The following CADM2 variants were observed in gnomAD, a reference collection of about 807,000 sequenced individuals.
The protein encoded by CADM2 is immunoglobulin superfamily member 4D.
In CADM2, 12 loss-of-function variants were observed where a neutral mutation model predicts 49.8. That is an observed-to-expected ratio of 0.24 (90% CI 0.15 to 0.39). The LOEUF (loss-of-function observed/expected upper bound fraction) is 0.39, where lower values mean the gene tolerates loss of function less well. CADM2 is among the 10% of genes least tolerant of loss of function. CADM2 has a pLI of 1.00. For synonymous variants in CADM2, 214 were observed against 175.4 expected (o/e 1.22, Z -1.74); for missense variants, 378 against 492.3 (o/e 0.77, Z 2.20).
intron 5 of CADM2, among the ~76,000 whole-genome samples, chr3:85,886,678 T>A (rs6796402): frequency 0.66 from 99,813 of 152,026 alleles, 33,402 homozygotes; most frequent in African/African-American, 0.78. Context: ...TATAATATTT[T>A]GGTTAAAGAC....
intron 1 of CADM2, among the ~76,000 whole-genome samples, chr3:85,537,535 T>A (rs2061451047): frequency 6.6e-6 from 1 of 151,746 alleles, no homozygotes; most frequent in African/African-American, 2.4e-5. Flanking sequence ...AGAAATAACA[T>A]GTTAATATGA....
At chr3:86,039,445 C>G (rs113859145) in intron 8 of CADM2, among the ~76,000 whole-genome samples, 7 of 152,188 alleles carry the variant, frequency 4.6e-5, no homozygotes, top group Non-Finnish European at 1.0e-4. Context: ...TATCCCACGC[C>G]TGGCTCAGAG....
At chr3:85,736,473 G>A (rs1345074685) in intron 2 of CADM2, among the ~76,000 whole-genome samples, 1 of 152,184 alleles carries the variant, frequency 6.6e-6, no homozygotes, top group African/African-American at 2.4e-5. Flanking sequence ...CTGGGCAACA[G>A]AGGGAAGAAC....
chr3:85,447,898 T>C (rs1252901723), intron 1 of CADM2, among the ~76,000 whole-genome samples: 1 of 152,180 alleles, frequency 6.6e-6, no homozygotes, highest in African/African-American at 2.4e-5. Context: ...ATGATTCTTA[T>C]TTGTCTTTGG....
chr3:85,593,591 C>T (rs990238403), intron 1 of CADM2, among the ~76,000 whole-genome samples: 6 of 151,892 alleles, frequency 4.0e-5, no homozygotes, highest in Non-Finnish European at 7.4e-5. Flanking sequence ...GAGGCATTAT[C>T]GGCACGCAGA....
In CADM2 at chr3:85,881,496, A is replaced by G. The variant is rs1712766815; in HGVS notation, c.239-1795A>G. On this transcript the variant is annotated intron_variant, in intron 3 of 9. Coordinates refer to ENST00000383699, the MANE Select transcript of CADM2 (RefSeq NM_001167675.2). ...TTTTGATTATGTTAAGAGACTCTGG[A>G]TGCTAATTAGATTTATTCTAAGAAG... Among the ~76,000 whole-genome samples the G allele has an allele frequency of 2.6e-5, 4 of 152,232 alleles. No individual in the cohort carries two copies. In the South Asian group the frequency reaches 8.3e-4, roughly 32 times the overall value.
At chr3:85,027,365 C>T (rs2034782762) in intron 1 of CADM2, among the ~76,000 whole-genome samples, 1 of 151,814 alleles carries the variant, frequency 6.6e-6, no homozygotes. Flanking sequence ...CCCACCTTGG[C>T]CTCCTGAAGT....
intron 1 of CADM2, among the ~76,000 whole-genome samples, chr3:85,338,846 G>T (rs1229418225): frequency 6.6e-6 from 1 of 151,344 alleles, no homozygotes; most frequent in African/African-American, 2.4e-5. Flanking sequence ...TAGTATAAAG[G>T]CATCTACTTA....
chr3:86,018,861 T>C (rs1411532333), intron 8 of CADM2, among the ~76,000 whole-genome samples: 18 of 151,236 alleles, frequency 1.2e-4, no homozygotes, highest in African/African-American at 4.1e-4. Context: ...TCTTTTGCTG[T>C]GCAGAAGCTC....
chr3:85,721,284 T>A (rs1285853839), intron 1 of CADM2, among the ~76,000 whole-genome samples: 3 of 152,194 alleles, frequency 2.0e-5, no homozygotes, highest in Non-Finnish European at 4.4e-5. Context: ...GCAAATACAT[T>A]TGAATCAAGG....
chr3:85,033,919 C>T (rs1354258134), intron 1 of CADM2, among the ~76,000 whole-genome samples: 2 of 152,014 alleles, frequency 1.3e-5, no homozygotes, highest in East Asian at 1.9e-4. Flanking sequence ...TATATATGTC[C>T]ATTATTAATA....
At chr3:85,397,062 A>G (rs2034827685) in intron 1 of CADM2, among the ~76,000 whole-genome samples, 1 of 152,100 alleles carries the variant, frequency 6.6e-6, no homozygotes, top group Admixed American at 6.6e-5. Context: ...ACAACACAAC[A>G]ACAACAATAC....
intron 8 of CADM2, among the ~76,000 whole-genome samples, chr3:85,998,627 T>C (rs965273180): frequency 6.6e-6 from 1 of 152,104 alleles, no homozygotes; most frequent in African/African-American, 2.4e-5. Context: ...TGATATATAG[T>C]AGGTCACACT....
intron 1 of CADM2, among the ~76,000 whole-genome samples, chr3:84,997,885 T>G (rs1197190873): frequency 6.6e-6 from 1 of 152,164 alleles, no homozygotes; most frequent in Non-Finnish European, 1.5e-5. Flanking sequence ...CTATTGCTGT[T>G]GAGGGAAAAC....
At chr3:85,645,869 G>A (rs188493271) in intron 1 of CADM2, among the ~76,000 whole-genome samples, 2 of 152,016 alleles carry the variant, frequency 1.3e-5, no homozygotes, top group East Asian at 1.9e-4. Context: ...AAGAAAATAC[G>A]TTATTAATAG....
intron 1 of CADM2, among the ~76,000 whole-genome samples, chr3:85,410,361 G>A (rs949667077): frequency 6.6e-6 from 1 of 152,088 alleles, no homozygotes; most frequent in Non-Finnish European, 1.5e-5. Flanking sequence ...TCACTCTTGA[G>A]CATTATACCA....
chr3:85,398,522 G>A (rs532062410), intron 1 of CADM2, among the ~76,000 whole-genome samples: 1 of 152,284 alleles, frequency 6.6e-6, no homozygotes, highest in African/African-American at 2.4e-5. Context: ...TATATACCCA[G>A]TAATGGAATG....
chr3:85,100,063 C>G (rs1345092458), intron 1 of CADM2, among the ~76,000 whole-genome samples: 2 of 152,158 alleles, frequency 1.3e-5, no homozygotes, highest in Non-Finnish European at 1.5e-5. Flanking sequence ...ACTTTGGTGA[C>G]TATTACACTT....
At chr3:85,071,560 A>G (rs2036745634) in intron 1 of CADM2, among the ~76,000 whole-genome samples, 1 of 152,132 alleles carries the variant, frequency 6.6e-6, no homozygotes, top group South Asian at 2.1e-4. Context: ...TTGAGAATTC[A>G]TTTATTAAAA....
Sources: gnomAD v4.1 joint callset for allele counts (sites outside exome capture counted in the v4.1 genomes callset) on GRCh38, gnomAD v4.1.1 for gene constraint, MANE v1.5 for transcripts, NCBI Gene and HGNC (gene_info 2026-07-23, HGNC 2026-07-21) for gene names.